The following LEMD3 variants were observed in gnomAD, a reference collection of about 807,000 sequenced individuals.
The protein encoded by LEMD3 is LEM domain containing 3.
Under a neutral mutation model 95.2 loss-of-function variants are expected in LEMD3, and 33 were observed. The observed-to-expected ratio is 0.35, with a 90% CI of 0.26 to 0.46. The LOEUF is 0.46. LEMD3 is among the 20% of genes least tolerant of loss of function. LEMD3 has a pLI of 1.00. For synonymous variants in LEMD3, 525 were observed against 474.6 expected (o/e 1.11, Z -1.38); for missense variants, 1,210 against 1,192.8 (o/e 1.01, Z -0.21).
At chr12:65,200,183 G>A (rs1052672854) in intron 1 of LEMD3, among the ~76,000 whole-genome samples, 2 of 152,026 alleles carry the variant, frequency 1.3e-5, no homozygotes, top group Non-Finnish European at 2.9e-5. Flanking sequence ...TGTGACTTAA[G>A]CCTCTGATTG....
intron 8 of LEMD3, 70 bp from the exon 9 acceptor site, chr12:65,240,839 C>T (rs1870913088): frequency 7.4e-7 from 1 of 1,353,028 alleles, no homozygotes. Flanking sequence ...ACTATTACCT[C>T]AGATACTAAT....
intron 1 of LEMD3, among the ~76,000 whole-genome samples, chr12:65,179,402 A>C (rs1016335213): frequency 6.6e-6 from 1 of 152,310 alleles, no homozygotes; most frequent in Admixed American, 6.5e-5. Flanking sequence ...TGATTATTCA[A>C]TATTAACTTT....
Position 65,170,866 on chromosome 12 carries a change from A to T in LEMD3, c.1270A>T (p.Ile424Phe). ...AAVAASSSLR[I>F]NHANHTGSNH... Reference sequence around the variant, plus strand: ...GGTGGCCGCCTCTAGTTCACTCAGGATCAATCACGCCAATCATACGGGCTC... The same window carrying T: ...GGTGGCCGCCTCTAGTTCACTCAGGTTCAATCACGCCAATCATACGGGCTC... Residue 424 changes from isoleucine (I) to phenylalanine (F), a missense_variant, in exon 1 of 13, where the codon ATC becomes TTC. Transcript: ENST00000308330. 6.2e-7 allele frequency: 1 copy of T among 1,614,194 alleles called. No homozygotes were observed.
chr12:65,236,611 G>C (rs1870780729), intron 4 of LEMD3, among the ~76,000 whole-genome samples: 1 of 151,860 alleles, frequency 6.6e-6, no homozygotes, highest in African/African-American at 2.4e-5. Context: ...AATAATACAA[G>C]CTCCATGAAC....
intron 1 of LEMD3, among the ~76,000 whole-genome samples, chr12:65,202,588 A>G (rs1363823387): frequency 6.6e-6 from 1 of 152,150 alleles, no homozygotes; most frequent in Non-Finnish European, 1.5e-5. Context: ...TATTAGGGTA[A>G]TGCTGAACTC....
intron 1 of LEMD3, among the ~76,000 whole-genome samples, chr12:65,182,040 T>A (rs1181484666): frequency 1.3e-5 from 2 of 152,154 alleles, no homozygotes; most frequent in Non-Finnish European, 2.9e-5. Flanking sequence ...ACTCATACTA[T>A]GTCTGTGAGA....
intron 4 of LEMD3, among the ~76,000 whole-genome samples, chr12:65,227,600 A>T (rs1870489906): frequency 6.6e-6 from 1 of 152,188 alleles, no homozygotes; most frequent in Non-Finnish European, 1.5e-5. Context: ...TGATAATACA[A>T]TGTAAATTGT....
At chr12:65,237,578 T>TG (rs1870809019) in intron 4 of LEMD3, among the ~76,000 whole-genome samples, 1 of 152,212 alleles carries the variant, frequency 6.6e-6, no homozygotes, top group Non-Finnish European at 1.5e-5. Flanking sequence ...TATGCGTGAT[T>TG]GGTTTTTATA....
rs374790398 is a variant in LEMD3 at position 65,239,988 on chromosome 12, G to A, written c.1981G>A (p.Glu661Lys). The A allele has an allele frequency of 1.9e-6, 3 of 1,612,298 alleles. No individual in the cohort carries two copies. Among genetic ancestry groups the A allele is most frequent in the African/African-American group, 1.3e-5 (1 of 74,876 alleles). Residue 661 changes from glutamate (E) to lysine (K), a missense_variant, in exon 7 of 13, where the codon GAG (glutamate) becomes AAG (lysine). Around this residue, in one of 2 missense-constraint regions of LEMD3, gnomAD observed 461 missense variants for 569.8 expected, o/e 0.81. Transcript: ENST00000308330. ...GAAATATCGATGGACAAAAGAAGAG[G>A]AGGAAACAAGGCAGATGTATGATAT... ...YMKYRWTKEEEETRQMYDMVV... is the reference protein window; with the variant it reads ...YMKYRWTKEEKETRQMYDMVV...
In LEMD3 at chr12:65,246,708, T is replaced by A; in HGVS notation, c.*383T>A. On this transcript the variant is annotated 3_prime_UTR_variant, in exon 13 of 13. Coordinates refer to ENST00000308330, the MANE Select transcript of LEMD3 (RefSeq NM_014319.5). Reference sequence around the variant, plus strand: ...ATTTCTTGTGAACTAATGTTGTGAATTTTTGTATACAGTCACCTGCATAGT... The same window carrying A: ...ATTTCTTGTGAACTAATGTTGTGAAATTTTGTATACAGTCACCTGCATAGT... 1 of 233,550 alleles carries A rather than the reference T, an allele frequency of 4.3e-6. No individual in the cohort carries two copies. The highest frequency in any genetic ancestry group is 6.2e-5 in the South Asian group (1 of 16,084). 14.5% of individuals were successfully genotyped at this position (233,550 alleles called of 1,614,324 possible). A position where few individuals can be genotyped will look rare whatever the true frequency, so the allele number is the denominator to read the frequency against.
chr12:65,180,437 G>C (rs936380714), intron 1 of LEMD3, among the ~76,000 whole-genome samples: 6 of 150,614 alleles, frequency 4.0e-5, no homozygotes, highest in Non-Finnish European at 8.9e-5. Context: ...AAGAAAATAA[G>C]TTAGGTTTTA....
Position 65,170,043 on chromosome 12 carries a change from TC to T in LEMD3, c.451del (p.Arg151GlyfsTer32), listed in dbSNP as rs1565775492. On this transcript the variant is annotated frameshift_variant, in exon 1 of 13. Coordinates refer to ENST00000308330, the MANE Select transcript of LEMD3 (RefSeq NM_014319.5). LOFTEE classifies it high-confidence loss of function. ...SSDESDVEASPRDQAGGGGRK... is the reference protein window; with the variant it reads ...SSDESDVEASXRDQAGGGGRK... ...CGGACGAGTCGGACGTGGAGGCCAG[TC>T]CCCGGGACCAGGCCGGCGGCGGCGG... The T allele has an allele frequency of 2.6e-6, 4 of 1,516,648 alleles. No homozygotes were observed. The highest frequency in any genetic ancestry group is 2.4e-5 in the South Asian group (2 of 81,738). The allele number at this position is 1,516,648 out of a possible 1,614,324, so 93.9% of individuals were successfully genotyped here.
At chr12:65,202,826 T>C (rs1373052123) in intron 1 of LEMD3, among the ~76,000 whole-genome samples, 2 of 152,166 alleles carry the variant, frequency 1.3e-5, no homozygotes, top group African/African-American at 4.8e-5. Flanking sequence ...GTTGTCAAAT[T>C]TGTGGGCATA....
chr12:65,181,950 C>A (rs1310014252), intron 1 of LEMD3, among the ~76,000 whole-genome samples: 2 of 151,010 alleles, frequency 1.3e-5, no homozygotes, highest in Non-Finnish European at 1.5e-5. Flanking sequence ...GATTTTAAAG[C>A]CTTAGGTGAG....
chr12:65,174,900 T>C (rs1279567073), intron 1 of LEMD3, among the ~76,000 whole-genome samples: 1 of 152,168 alleles, frequency 6.6e-6, no homozygotes, highest in East Asian at 1.9e-4. Context: ...AGATATGCAA[T>C]ATTACATAAA....
chr12:65,212,322 A>C (rs1374863661), intron 2 of LEMD3, among the ~76,000 whole-genome samples: 1 of 152,194 alleles, frequency 6.6e-6, no homozygotes, highest in Non-Finnish European at 1.5e-5. Context: ...AAACCATATC[A>C]CAAGTGTTAA....
At chr12:65,216,972 C>T (rs1870129573) in intron 3 of LEMD3, among the ~76,000 whole-genome samples, 1 of 152,182 alleles carries the variant, frequency 6.6e-6, no homozygotes, top group African/African-American at 2.4e-5. Flanking sequence ...ATTTGGTATG[C>T]TGTAGCACCC....
chr12:65,228,627 A>G (rs927193804), intron 4 of LEMD3, among the ~76,000 whole-genome samples: 1 of 151,370 alleles, frequency 6.6e-6, no homozygotes, highest in Non-Finnish European at 1.5e-5. Flanking sequence ...CGATCTCCTG[A>G]CCTCGTCATC....
chr12:65,230,801 T>C (rs1252245640), intron 4 of LEMD3, among the ~76,000 whole-genome samples: 1 of 152,208 alleles, frequency 6.6e-6, no homozygotes, highest in Non-Finnish European at 1.5e-5. Context: ...TAAATAAGAA[T>C]GGTGAGAATG....
Sources: allele counts gnomAD v4.1 joint callset (sites outside exome capture counted in the v4.1 genomes callset), GRCh38; gene constraint gnomAD v4.1.1; regional missense constraint gnomAD v4.1.1; transcripts MANE v1.5; gene names NCBI Gene and HGNC (gene_info 2026-07-23, HGNC 2026-07-21).